PHC2: variants seen among roughly 807,000 people sequenced by gnomAD.
The protein encoded by PHC2 is polyhomeotic homolog 2.
In PHC2, 29 loss-of-function variants were observed where a neutral mutation model predicts 87.4. The ratio of observed to expected loss-of-function variants is 0.33; its 90% confidence interval spans 0.25 to 0.45. The LOEUF (loss-of-function observed/expected upper bound fraction) is 0.45, where lower values mean the gene tolerates loss of function less well. PHC2 is among the 20% of genes least tolerant of loss of function. The pLI is 1.00. For synonymous variants in PHC2, 438 were observed against 461.7 expected (o/e 0.95, Z 0.66); for missense variants, 857 against 1,136.7 (o/e 0.75, Z 3.54).
At chr1:33,358,972 C>T (rs987743672) in intron 7 of PHC2, 3 of 152,160 alleles carry the variant, frequency 2.0e-5, no homozygotes, top group African/African-American at 7.2e-5. Flanking sequence ...AGTCAAAATG[C>T]TTGGATTTGA....
At chr1:33,391,450 G>A (rs928048012) in intron 1 of PHC2, among the ~76,000 whole-genome samples, 13 of 152,054 alleles carry the variant, frequency 8.5e-5, no homozygotes, top group African/African-American at 2.4e-4. Context: ...TTTTTCTTTC[G>A]GGCAGGAGCT....
intron 1 of PHC2, among the ~76,000 whole-genome samples, chr1:33,396,737 C>T (rs1408073952): frequency 2.6e-5 from 4 of 152,280 alleles, no homozygotes; most frequent in Non-Finnish European, 1.5e-5. Flanking sequence ...AAGGCGGCTT[C>T]CTGCCCCGTA....
chr1:33,335,975 T>TTTGTTGTTG (rs112382571), intron 9 of PHC2, among the ~76,000 whole-genome samples: 3 of 149,248 alleles, frequency 2.0e-5, no homozygotes, highest in African/African-American at 7.5e-5. Context: ...AGCTCATGTT[T>TTTGTTGTTG]TTGTTGTTGT....
intron 1 of PHC2, among the ~76,000 whole-genome samples, chr1:33,380,151 TC>T (rs1403898572): frequency 1.3e-5 from 2 of 152,226 alleles, no homozygotes; most frequent in African/African-American, 4.8e-5. Flanking sequence ...GCTCTCTCTC[TC>T]AATCACTTAT....
At chr1:33,417,327 C>T (rs1255151422) in intron 1 of PHC2, among the ~76,000 whole-genome samples, 1 of 152,000 alleles carries the variant, frequency 6.6e-6, no homozygotes, top group Non-Finnish European at 1.5e-5. Context: ...GTTTACACAT[C>T]CCAATTAAAA....
intron 1 of PHC2, among the ~76,000 whole-genome samples, chr1:33,420,544 T>C (rs1379824887): frequency 1.3e-5 from 2 of 152,178 alleles, no homozygotes; most frequent in African/African-American, 4.8e-5. Context: ...AGAACTTCCA[T>C]TCTAGAGTCA....
intron 7 of PHC2, chr1:33,363,770 T>C: frequency 1.0e-6 from 1 of 985,326 alleles, no homozygotes; most frequent in Non-Finnish European, 1.2e-6. Context: ...GCCTGGAGTT[T>C]ATCCACTAGA....
intron 1 of PHC2, among the ~76,000 whole-genome samples, chr1:33,385,311 A>G (rs1384149747): frequency 3.3e-5 from 5 of 152,362 alleles, no homozygotes; most frequent in Middle Eastern, 3.4e-3. Flanking sequence ...AATAGGAGAA[A>G]GCATTTCGGA....
chr1:33,352,871 G>T (rs1646999473), intron 9 of PHC2, among the ~76,000 whole-genome samples: 1 of 152,138 alleles, frequency 6.6e-6, no homozygotes, highest in African/African-American at 2.4e-5. Context: ...GAGCCCCTCA[G>T]CCTTTGTTTC....
chr1:33,425,211 T>C (rs959756157), intron 1 of PHC2, among the ~76,000 whole-genome samples: 2 of 152,156 alleles, frequency 1.3e-5, no homozygotes, highest in South Asian at 2.1e-4. Flanking sequence ...CAGAGACCTA[T>C]AGATAAAGAT....
chr1:33,326,773 T>C (rs966849311), intron 14 of PHC2, among the ~76,000 whole-genome samples: 1 of 152,054 alleles, frequency 6.6e-6, no homozygotes, highest in Admixed American at 6.6e-5. Flanking sequence ...GCCAACATGG[T>C]GAAACCCCAT....
At chr1:33,326,179 G>A in intron 14 of PHC2, 6 of 200,748 alleles carry the variant, frequency 3.0e-5, no homozygotes, top group Admixed American at 5.6e-5. Flanking sequence ...AGAGAGAGAA[G>A]GTAAAAACAA....
At chr1:33,391,867 A>T (rs916567892) in intron 1 of PHC2, among the ~76,000 whole-genome samples, 14 of 152,310 alleles carry the variant, frequency 9.2e-5, no homozygotes, top group African/African-American at 3.1e-4. Flanking sequence ...AAAGGCAATT[A>T]GCTTGGCTGG....
chr1:33,348,861 C>T (rs1381405287), intron 9 of PHC2, among the ~76,000 whole-genome samples: 1 of 151,940 alleles, frequency 6.6e-6, no homozygotes, highest in Non-Finnish European at 1.5e-5. Flanking sequence ...TTATGGAAGA[C>T]GGGTGGGTGG....
At chr1:33,329,254 C>T in intron 13 of PHC2, 108 bp from the exon 14 acceptor site, 5 of 1,071,922 alleles carry the variant, frequency 4.7e-6, no homozygotes, top group Non-Finnish European at 6.7e-6. Context: ...TACTACACAT[C>T]TGAGTTCCCA....
At chr1:33,328,592 G>C (rs534773598) in intron 14 of PHC2, among the ~76,000 whole-genome samples, 2 of 152,144 alleles carry the variant, frequency 1.3e-5, no homozygotes, top group South Asian at 2.1e-4. Flanking sequence ...CCAGGAGAGA[G>C]AGACAGTTAA....
At chr1:33,424,428 C>T (rs962978215) in intron 1 of PHC2, among the ~76,000 whole-genome samples, 4 of 152,176 alleles carry the variant, frequency 2.6e-5, no homozygotes, top group African/African-American at 9.7e-5. Flanking sequence ...GAGGTTCTCT[C>T]TTCTGTCAGG....
Position 33,354,459 on chromosome 1 carries a change from G to A in PHC2, c.1500C>T (p.Ala500=), listed in dbSNP as rs1647029949. 6.2e-7 allele frequency: 1 copy of A among 1,614,132 alleles called. No homozygotes were observed. Among genetic ancestry groups the A allele is most frequent in the Non-Finnish European group, 8.5e-7 (1 of 1,180,028 alleles). The part of the protein sequence containing the change: ...PSPHQQAIVT[A]MPGGLPVPTS... ...TGGGTACAGGCAGGCCACCAGGCATGGCAGTGACAATAGCCTGCTGATGTG... is the reference window on the plus strand; with the variant it reads ...TGGGTACAGGCAGGCCACCAGGCATAGCAGTGACAATAGCCTGCTGATGTG... Residue 500 remains alanine (A), a synonymous_variant, in exon 9 of 15, where the codon GCC becomes GCT. Coordinates refer to ENST00000683057, the MANE Select transcript of PHC2 (RefSeq NM_001385109.1).
At chr1:33,336,646 G>A (rs1470432953) in intron 9 of PHC2, 2 of 152,260 alleles carry the variant, frequency 1.3e-5, no homozygotes, top group Non-Finnish European at 2.9e-5. Context: ...CTTGTCTGGA[G>A]GTTCTAGCAG....
Sources: allele counts gnomAD v4.1 joint callset (sites outside exome capture counted in the v4.1 genomes callset), GRCh38; gene constraint gnomAD v4.1.1; transcripts MANE v1.5; gene names NCBI Gene and HGNC (gene_info 2026-07-23, HGNC 2026-07-21).